The following MGST1 variants were observed in gnomAD, a reference collection of about 807,000 sequenced individuals.
MGST1 encodes microsomal glutathione S-transferase 1, also known as glutathione S-transferase 12.
Under a neutral mutation model 8.9 loss-of-function variants are expected in MGST1, and 5 were observed. That is an observed-to-expected ratio of 0.56 (90% CI 0.29 to 1.19). MGST1 has a LOEUF of 1.19. Among genes scored for constraint, MGST1 ranks in the 50% most tolerant of loss-of-function variants. The pLI is 0.08. For synonymous variants in MGST1, 54 were observed against 67.8 expected (o/e 0.80, Z 1.00); for missense variants, 182 against 187.4 (o/e 0.97, Z 0.17).
chr12:16,502,798 G>T (rs77891035), intron 4 of MGST1, among the ~76,000 whole-genome samples: 290 of 152,188 alleles, frequency 1.9e-3, no homozygotes, highest in African/African-American at 6.8e-3. Context: ...TATATAAATT[G>T]CTTGTTTAGA....
rs899999281 is a variant in MGST1, at chr12:16,564,788, A to G, written n.483-24740A>G. Among the ~76,000 whole-genome samples, 60 of 152,276 alleles carry G rather than the reference A, an allele frequency of 3.9e-4. 1 individual carries two copies. Among genetic ancestry groups the G allele is most frequent in the African/African-American group, 1.4e-3 (58 of 41,568 alleles). On this transcript the variant is annotated intron_variant and non_coding_transcript_variant, in intron 4 of 4. Coordinates refer to the MGST1 transcript ENST00000538857. Reference sequence around the variant, plus strand: ...CATTTAATGAGATAAATATGCATAAATTTAGAAGTTATTTTATTTTAGAGT... The same window carrying G: ...CATTTAATGAGATAAATATGCATAAGTTTAGAAGTTATTTTATTTTAGAGT...
intron 4 of MGST1, among the ~76,000 whole-genome samples, chr12:16,578,937 AAAAAG>A (rs1490701408): frequency 6.6e-6 from 1 of 152,150 alleles, no homozygotes; most frequent in African/African-American, 2.4e-5. Context: ...CACTTGAAAT[AAAAAG>A]AAAAGAAAAA....
At chr12:16,376,312 A>G in exon 4 of MGST1, 1 of 480,640 alleles carries the variant, frequency 2.1e-6, no homozygotes. Context: ...TGTTAACAAC[A>G]CAAAAAGACA....
At chr12:16,426,654 A>G (rs1047057513) in intron 1 of MGST1, among the ~76,000 whole-genome samples, 1 of 152,146 alleles carries the variant, frequency 6.6e-6, no homozygotes, top group Admixed American at 6.5e-5. Context: ...ATCCTGTTGT[A>G]GTTAAAAGCT....
downstream of MGST1, among the ~76,000 whole-genome samples, chr12:16,379,325 A>G (rs1293393912): frequency 6.6e-6 from 1 of 152,182 alleles, no homozygotes; most frequent in Non-Finnish European, 1.5e-5. Flanking sequence ...ACATCCCATC[A>G]ATACCTAATT....
chr12:16,384,906 C>T (rs1782126737), intron 1 of MGST1, among the ~76,000 whole-genome samples: 1 of 152,318 alleles, frequency 6.6e-6, no homozygotes, highest in South Asian at 2.1e-4. Context: ...AGGCCTATCA[C>T]AGGGATCCCT....
intron 4 of MGST1, among the ~76,000 whole-genome samples, chr12:16,564,638 C>T (rs990896342): frequency 6.6e-6 from 1 of 152,098 alleles, no homozygotes; most frequent in Non-Finnish European, 1.5e-5. Context: ...AATCAAATTC[C>T]TCCAAGCTAT....
At chr12:16,496,400 T>A (rs1177789787) in intron 4 of MGST1, among the ~76,000 whole-genome samples, 1 of 152,128 alleles carries the variant, frequency 6.6e-6, no homozygotes, top group African/African-American at 2.4e-5. Flanking sequence ...GGTGCGAAGA[T>A]AAGAACAGTA....
At chr12:16,393,291 A>G (rs1350788327) in intron 1 of MGST1, among the ~76,000 whole-genome samples, 1 of 152,218 alleles carries the variant, frequency 6.6e-6, no homozygotes, top group Non-Finnish European at 1.5e-5. Context: ...TCAAGAATAG[A>G]GAAACCTACC....
chr12:16,486,167 C>T (rs1440650847), intron 4 of MGST1, among the ~76,000 whole-genome samples: 4 of 152,280 alleles, frequency 2.6e-5, no homozygotes, highest in South Asian at 2.1e-4. Flanking sequence ...TCCCACACTT[C>T]GTAACTACTC....
chr12:16,520,214 A>T (rs965582508), intron 4 of MGST1, among the ~76,000 whole-genome samples: 4 of 152,282 alleles, frequency 2.6e-5, no homozygotes, highest in Non-Finnish European at 4.4e-5. Flanking sequence ...CCTCAAACAG[A>T]TAAGTCCCAT....
rs74063907 is a variant in MGST1 at position 16,548,218 on chromosome 12, T to C, written n.483-41310T>C. Among the ~76,000 whole-genome samples the C allele has an allele frequency of 8.5e-5, 13 of 152,288 alleles. No homozygotes were observed. The highest frequency in any genetic ancestry group is 3.1e-4 in the African/African-American group (13 of 41,562). ...GACCTAGCGCAGAGATCCTAAACAT[T>C]ACATTCAGAGAAACATTTGGGGTGC... On this transcript the variant is annotated intron_variant and non_coding_transcript_variant, in intron 4 of 4. Transcript: ENST00000538857. The surrounding 1 kb of genome is among the most constrained non-coding windows in gnomAD (Gnocchi z 4.2).
intron 4 of MGST1, among the ~76,000 whole-genome samples, chr12:16,473,477 A>C (rs1941301036): frequency 6.6e-6 from 1 of 152,238 alleles, no homozygotes; most frequent in African/African-American, 2.4e-5. Context: ...ACTATGAATT[A>C]AATTAAGCAT....
At position 16,390,570 on chromosome 12, in the gene MGST1, T is replaced by C. The variant is rs1324393283; in HGVS notation, n.778+6966T>C. ...AGTATTTGGTTTTCTGTTTCTGTGC[T>C]AGTTTGCTAAGAATAATAGCTTCCA... On this transcript the variant is annotated intron_variant and non_coding_transcript_variant, in intron 1 of 1. Transcript: ENST00000359720. Among the ~76,000 whole-genome samples, 5 of 152,246 alleles carry C rather than the reference T, an allele frequency of 3.3e-5. 1 individual carries two copies. Among genetic ancestry groups the C allele is most frequent in the Admixed American group, 2.0e-4 (3 of 15,284 alleles).
chr12:16,582,679 CACA>C lies in MGST1; in HGVS notation n.483-6844_483-6842del, dbSNP rs1286401467. On this transcript the variant is annotated intron_variant and non_coding_transcript_variant, in intron 4 of 4. Transcript: ENST00000538857. This position sits in a 1 kb window ranked among gnomAD's most constrained non-coding sequence, Gnocchi z 4.1. ...CATCTCCTAGGAAAAATAAGTATAC[CACA>C]ACAAGATCACCGTTCCTAGGTACGG... 6.6e-6 allele frequency among the ~76,000 whole-genome samples: 1 copy of C among 151,976 alleles called. No individual in the cohort carries two copies. Among genetic ancestry groups the C allele is most frequent in the Non-Finnish European group, 1.5e-5 (1 of 67,988 alleles).
intron 4 of MGST1, among the ~76,000 whole-genome samples, chr12:16,512,711 C>T (rs1197152098): frequency 6.6e-6 from 1 of 152,192 alleles, no homozygotes; most frequent in Non-Finnish European, 1.5e-5. Flanking sequence ...AAGCCGTGCC[C>T]ATCATCAGTG....
intron 4 of MGST1, among the ~76,000 whole-genome samples, chr12:16,454,634 A>G (rs1941155350): frequency 6.6e-6 from 1 of 151,856 alleles, no homozygotes; most frequent in East Asian, 1.9e-4. Context: ...AACTATGACA[A>G]GCTGTTTCAC....
chr12:16,386,888 G>A (rs948667835), intron 1 of MGST1, among the ~76,000 whole-genome samples: 11 of 152,218 alleles, frequency 7.2e-5, no homozygotes, highest in East Asian at 1.9e-4. Context: ...TTTATCAAGC[G>A]TCTCTGCACA....
chr12:16,551,438 A>G, intron 4 of MGST1: 1 of 673,018 alleles, frequency 1.5e-6, no homozygotes, highest in South Asian at 1.7e-5. Context: ...CCTGAATCTG[A>G]AAACCTGGCT....
Sources: gnomAD v4.1 joint callset for allele counts (sites outside exome capture counted in the v4.1 genomes callset) on GRCh38, gnomAD v4.1.1 for gene constraint, Gnocchi (gnomAD v3.1) non-coding constraint, MANE v1.5 for transcripts, NCBI Gene and HGNC (gene_info 2026-07-23, HGNC 2026-07-21) for gene names.